The following SGCD variants were observed in gnomAD, a reference collection of about 807,000 sequenced individuals.
The protein encoded by SGCD is sarcoglycan delta.
A neutral mutation model predicts 36.6 loss-of-function variants in SGCD; 18 were observed. The ratio of observed to expected loss-of-function variants is 0.49; its 90% confidence interval spans 0.34 to 0.73. The LOEUF is 0.73. Ranked by LOEUF, SGCD falls within the 30% of genes least tolerant of loss-of-function variation. SGCD has a pLI of 0.01. For synonymous variants in SGCD, 133 were observed against 130.6 expected (o/e 1.02, Z -0.12); for missense variants, 387 against 346.7 (o/e 1.12, Z -0.92).
Position 156,344,560 on chromosome 5 carries a change from G to A in SGCD, c.75G>A (p.Val25=). ...PGSVGPQVYK[V]GIYGWRKRCL... ...CTGTGGGGCCACAGGTATACAAGGT[G>A]GGGATTTATGGCTGGCGGAAACGAT... is the stretch of plus-strand genomic sequence containing the variant. Residue 25 remains valine, a synonymous_variant, in exon 3 of 9, where the codon GTG becomes GTA. Coordinates refer to ENST00000337851, the MANE Select transcript of SGCD (RefSeq NM_000337.6). The A allele has an allele frequency of 6.2e-7, 1 of 1,612,334 alleles. No homozygotes were observed. The highest frequency in any genetic ancestry group is 1.7e-4 in the Middle Eastern group (1 of 6,060).
intron 3 of SGCD, among the ~76,000 whole-genome samples, chr5:156,482,051 G>T (rs938732203): frequency 3.9e-5 from 6 of 152,126 alleles, no homozygotes; most frequent in African/African-American, 7.2e-5. Flanking sequence ...CTGTGCCTGG[G>T]TGTCACAGTC....
chr5:156,253,639 G>GT (rs1466389570), intron 3 of SGCD, among the ~76,000 whole-genome samples: 1 of 152,130 alleles, frequency 6.6e-6, no homozygotes, highest in East Asian at 1.9e-4. Flanking sequence ...ATAACAACGA[G>GT]TATATTAATA....
chr5:156,512,167 C>T (rs1466753288), intron 4 of SGCD, among the ~76,000 whole-genome samples: 2 of 130,644 alleles, frequency 1.5e-5, no homozygotes, highest in Admixed American at 2.0e-4. Flanking sequence ...GCACTCTAGC[C>T]TGGATGACAG....
intron 3 of SGCD, among the ~76,000 whole-genome samples, chr5:156,152,334 G>A (rs1268989509): frequency 6.6e-6 from 1 of 151,522 alleles, no homozygotes; most frequent in East Asian, 1.9e-4. Flanking sequence ...GTCAGAGAGT[G>A]AAATAAAGAG....
chr5:156,180,210 T>G (rs533173764), intron 3 of SGCD, among the ~76,000 whole-genome samples: 2 of 152,176 alleles, frequency 1.3e-5, no homozygotes, highest in Non-Finnish European at 2.9e-5. Context: ...ATTTCCTTAG[T>G]CTGATCACAA....
intron 2 of SGCD, among the ~76,000 whole-genome samples, chr5:156,342,714 G>T (rs1205627533): frequency 7.9e-5 from 12 of 152,164 alleles, no homozygotes; most frequent in Non-Finnish European, 2.9e-5. Context: ...TCACTGCCTG[G>T]CTGGGAACCC....
chr5:156,090,215 T>C (rs1212375944), intron 1 of SGCD, among the ~76,000 whole-genome samples: 6 of 152,192 alleles, frequency 3.9e-5, no homozygotes, highest in Admixed American at 2.6e-4. Flanking sequence ...TATTTCCTGA[T>C]GTTAGGAGCT....
Position 155,913,741 on chromosome 5 carries a change from A to T in SGCD, c.-282+43317A>T, listed in dbSNP as rs73810348. Among the ~76,000 whole-genome samples the T allele has an allele frequency of 1.8e-3, 274 of 152,062 alleles. 1 individual carries two copies. The highest frequency in any genetic ancestry group is 6.2e-3 in the African/African-American group (259 of 41,514). On this transcript the variant is annotated intron_variant, in intron 1 of 9. Coordinates refer to the SGCD transcript ENST00000517913. Reference sequence around the variant, plus strand: ...TATATTTGAAGTAGGATTCTTTTTAAAAAAAAATAGATCTAAAATTATAAT... The same window carrying T: ...TATATTTGAAGTAGGATTCTTTTTATAAAAAAATAGATCTAAAATTATAAT...
At chr5:156,041,521 G>A (rs1759633882) in intron 1 of SGCD, among the ~76,000 whole-genome samples, 1 of 152,162 alleles carries the variant, frequency 6.6e-6, no homozygotes, top group Admixed American at 6.5e-5. Context: ...AGTAGAGATC[G>A]AGTTTTTTAA....
intron 6 of SGCD, among the ~76,000 whole-genome samples, chr5:156,626,677 C>T (rs1381157572): frequency 6.6e-6 from 1 of 152,110 alleles, no homozygotes; most frequent in African/African-American, 2.4e-5. Context: ...AAGTAGACTT[C>T]AAAATGGATT....
At chr5:156,431,711 T>G (rs552301119) in intron 3 of SGCD, among the ~76,000 whole-genome samples, 1 of 151,764 alleles carries the variant, frequency 6.6e-6, no homozygotes, top group East Asian at 1.9e-4. Context: ...GATTGTTTTG[T>G]TTTTTGTTTT....
intron 7 of SGCD, among the ~76,000 whole-genome samples, chr5:156,700,661 AT>A (rs1754492354): frequency 6.6e-6 from 1 of 152,122 alleles, no homozygotes; most frequent in Admixed American, 6.6e-5. Context: ...AAAAAAAATA[AT>A]GCTGGGCATG....
At chr5:156,706,240 C>G (rs1444840696) in intron 7 of SGCD, among the ~76,000 whole-genome samples, 1 of 152,068 alleles carries the variant, frequency 6.6e-6, no homozygotes, top group East Asian at 1.9e-4. Flanking sequence ...TCAGTTAATT[C>G]AAGACATCAC....
At chr5:156,396,374 A>G (rs910452917) in intron 3 of SGCD, among the ~76,000 whole-genome samples, 1 of 152,198 alleles carries the variant, frequency 6.6e-6, no homozygotes, top group East Asian at 1.9e-4. Context: ...GTGATGAGAA[A>G]ACTGCTGGGT....
chr5:155,960,730 A>G (rs1053702110), intron 1 of SGCD, among the ~76,000 whole-genome samples: 1 of 152,108 alleles, frequency 6.6e-6, no homozygotes, highest in African/African-American at 2.4e-5. Context: ...GATTGTAAAT[A>G]AGCATTTGTT....
Position 155,986,916 on chromosome 5 carries a change from A to G in SGCD, c.-282+116492A>G, listed in dbSNP as rs138574628. ...GCAGTGAGGAACTGGGGTGGATCTT[A>G]GTATGAGCCATGTTTCCTGACTGCA... On this transcript the variant is annotated intron_variant, in intron 1 of 9. Coordinates refer to the SGCD transcript ENST00000517913. Among the ~76,000 whole-genome samples, 17 of 152,280 alleles carry G rather than the reference A, an allele frequency of 1.1e-4. 1 individual carries two copies. The East Asian group carries it at 3.3e-3, about 30-fold the overall frequency.
chr5:156,558,679 G>T (rs1383190451), intron 4 of SGCD, among the ~76,000 whole-genome samples: 1 of 152,136 alleles, frequency 6.6e-6, no homozygotes, highest in African/African-American at 2.4e-5. Context: ...AGGGAACAGA[G>T]ATTGATCATA....
At chr5:156,083,495 G>A (rs1426283142) in intron 1 of SGCD, among the ~76,000 whole-genome samples, 1 of 150,512 alleles carries the variant, frequency 6.6e-6, no homozygotes, top group Non-Finnish European at 1.5e-5. Context: ...GGGTTTCTCC[G>A]TGTTGGTCAG....
At chr5:156,192,431 G>T (rs1244716848) in intron 3 of SGCD, among the ~76,000 whole-genome samples, 1 of 152,072 alleles carries the variant, frequency 6.6e-6, no homozygotes, top group Non-Finnish European at 1.5e-5. Context: ...TTGATCTCAT[G>T]GTGATAGAGA....
Sources: allele counts gnomAD v4.1 joint callset (sites outside exome capture counted in the v4.1 genomes callset), GRCh38; gene constraint gnomAD v4.1.1; transcripts MANE v1.5; gene names NCBI Gene and HGNC (gene_info 2026-07-23, HGNC 2026-07-21).